IFT43: variants seen among roughly 807,000 people sequenced by gnomAD.
IFT43 encodes the protein intraflagellar transport protein 43 homolog.
IFT43 carries 33 observed loss-of-function variants against 32.3 expected under a neutral mutation model. That is an observed-to-expected ratio of 1.02 (90% CI 0.77 to 1.37). IFT43 has a LOEUF of 1.37. Among genes scored for constraint, IFT43 ranks in the 40% most tolerant of loss-of-function variants. The probability of loss-of-function intolerance (pLI) is 0.00; values close to 1 mark genes in which losing one functional copy is unlikely to be tolerated. For missense variants in IFT43, 274 were observed against 265.9 expected (o/e 1.03, Z -0.21); for synonymous variants, 93 against 98.2 (o/e 0.95, Z 0.31).
chr14:76,033,214 TATAGGATACTATGAAA>T (rs1338382993), intron 3 of IFT43, among the ~76,000 whole-genome samples: 2 of 152,088 alleles, frequency 1.3e-5, no homozygotes, highest in Non-Finnish European at 2.9e-5. Flanking sequence ...TGGCCAGTAA[TATAGGATACTATGAAA>T]AAAGGAAAGG....
chr14:76,067,717 C>A (rs553005012), intron 5 of IFT43, among the ~76,000 whole-genome samples: 17 of 152,106 alleles, frequency 1.1e-4, no homozygotes, highest in Non-Finnish European at 1.9e-4. Flanking sequence ...ATTTACAAGA[C>A]CATGACCAGG....
intron 2 of IFT43, among the ~76,000 whole-genome samples, chr14:75,999,688 T>C (rs1243646345): frequency 6.6e-6 from 1 of 152,076 alleles, no homozygotes; most frequent in Non-Finnish European, 1.5e-5. Context: ...TGGGTTGACA[T>C]GAATGAGTAG....
intron 2 of IFT43, among the ~76,000 whole-genome samples, chr14:75,999,439 AT>A (rs774132396): frequency 2.7e-4 from 41 of 150,654 alleles, no homozygotes; most frequent in Non-Finnish European, 3.8e-4. Context: ...ATTTATATAT[AT>A]TTTTATATAC....
At chr14:76,026,969 A>G (rs1721565322) in intron 3 of IFT43, among the ~76,000 whole-genome samples, 1 of 152,220 alleles carries the variant, frequency 6.6e-6, no homozygotes, top group African/African-American at 2.4e-5. Context: ...TCCTTAGCAA[A>G]CTAATGTAGG....
intron 3 of IFT43, among the ~76,000 whole-genome samples, chr14:76,040,155 A>C (rs1043756311): frequency 1.3e-5 from 2 of 151,922 alleles, no homozygotes; most frequent in African/African-American, 4.8e-5. Flanking sequence ...GGGTCTCACT[A>C]TGTTGCCCAG....
chr14:76,011,797 G>T (rs186470793), intron 2 of IFT43, among the ~76,000 whole-genome samples: 2 of 152,186 alleles, frequency 1.3e-5, no homozygotes, highest in South Asian at 4.1e-4. Flanking sequence ...TTCTCTGAGG[G>T]ATTAGTTGTC....
intron 2 of IFT43, among the ~76,000 whole-genome samples, chr14:76,018,812 C>T (rs188763972): frequency 2.0e-5 from 3 of 152,074 alleles, no homozygotes; most frequent in African/African-American, 2.4e-5. Flanking sequence ...GACTTAAAGT[C>T]TGTGTTATCT....
At chr14:76,049,127 A>G (rs2036864112) in intron 3 of IFT43, among the ~76,000 whole-genome samples, 1 of 152,270 alleles carries the variant, frequency 6.6e-6, no homozygotes. Context: ...AAAGGTTTCC[A>G]GAAGCACTGA....
At chr14:75,998,300 C>A (rs992141262) in intron 2 of IFT43, among the ~76,000 whole-genome samples, 3 of 152,134 alleles carry the variant, frequency 2.0e-5, no homozygotes, top group Non-Finnish European at 4.4e-5. Context: ...ATTCAACCTG[C>A]AGGAAATGCC....
chr14:76,044,307 C>T (rs1410525140), intron 3 of IFT43, among the ~76,000 whole-genome samples: 5 of 152,090 alleles, frequency 3.3e-5, no homozygotes, highest in East Asian at 1.9e-4. Flanking sequence ...CCCAAAGTGT[C>T]GGGATTACAG....
At chr14:76,044,118 C>T (rs1338414985) in intron 3 of IFT43, among the ~76,000 whole-genome samples, 3 of 150,980 alleles carry the variant, frequency 2.0e-5, no homozygotes, top group East Asian at 3.9e-4. Context: ...GGTGCTATCT[C>T]GGCTCACTGT....
chr14:76,015,292 C>T (rs528794650), intron 2 of IFT43, among the ~76,000 whole-genome samples: 2 of 152,290 alleles, frequency 1.3e-5, no homozygotes, highest in South Asian at 4.1e-4. Context: ...AGGAGATAGG[C>T]ATTTCCCTCT....
At chr14:76,054,538 G>A (rs2036974678) in intron 3 of IFT43, among the ~76,000 whole-genome samples, 3 of 152,350 alleles carry the variant, frequency 2.0e-5, no homozygotes, top group Middle Eastern at 3.4e-3. Flanking sequence ...CCCTCTCTGT[G>A]TATAAAATTG....
chr14:75,988,033 A>C (rs554938349), intron 1 of IFT43, among the ~76,000 whole-genome samples: 218 of 152,372 alleles, frequency 1.4e-3, no homozygotes, highest in African/African-American at 4.9e-3. Flanking sequence ...AATCCTGCGT[A>C]GGAACATGGG....
At chr14:76,060,783 C>T (rs1253508986) in intron 5 of IFT43, among the ~76,000 whole-genome samples, 2 of 151,806 alleles carry the variant, frequency 1.3e-5, no homozygotes, top group Non-Finnish European at 2.9e-5. Context: ...ATTTTATTGT[C>T]TTTGGCCTTC....
intron 2 of IFT43, among the ~76,000 whole-genome samples, chr14:76,014,377 A>G (rs2036142990): frequency 2.0e-5 from 3 of 152,242 alleles, no homozygotes; most frequent in Admixed American, 1.3e-4. Context: ...CTTACATTTC[A>G]GATTGTTTGT....
Position 76,083,290 on chromosome 14 carries a change from G to T in IFT43, c.507+1G>T. 6.2e-7 allele frequency: 1 copy of T among 1,613,080 alleles called. No individual in the cohort carries two copies. The highest frequency in any genetic ancestry group is 8.5e-7 in the Non-Finnish European group (1 of 1,179,036). On this transcript the variant is annotated splice_donor_variant, in intron 8 of 8. Coordinates refer to ENST00000314067, the MANE Select transcript of IFT43 (RefSeq NM_001102564.3). LOFTEE classifies it high-confidence loss of function. ...CGCGCCGGAGCACGAAGTCCGGGAG[G>T]TACAGTGGTGGCAGCAATTCCCCGG... is the stretch of plus-strand genomic sequence containing the variant.
intron 5 of IFT43, among the ~76,000 whole-genome samples, chr14:76,079,080 C>T (rs554994543): frequency 2.8e-4 from 42 of 152,318 alleles, no homozygotes; most frequent in African/African-American, 9.9e-4. Context: ...CGACCATGGG[C>T]AGCTGTCTCA....
chr14:76,015,734 G>T (rs900908052), intron 2 of IFT43, among the ~76,000 whole-genome samples: 1 of 152,170 alleles, frequency 6.6e-6, no homozygotes, highest in African/African-American at 2.4e-5. Context: ...TCACCCAATA[G>T]CCATGGCTTC....
Sources: gnomAD v4.1 joint callset for allele counts (sites outside exome capture counted in the v4.1 genomes callset) on GRCh38, gnomAD v4.1.1 for gene constraint, MANE v1.5 for transcripts, NCBI Gene and HGNC (gene_info 2026-07-23, HGNC 2026-07-21) for gene names.